GSE1: variants seen among roughly 807,000 people sequenced by gnomAD.
GSE1 encodes the protein Gse1 coiled-coil protein.
GSE1 carries 32 observed loss-of-function variants against 112.6 expected under a neutral mutation model. The observed-to-expected ratio is 0.28, with a 90% confidence interval of 0.21 to 0.38. GSE1 has a LOEUF of 0.38. GSE1 is among the 10% of genes least tolerant of loss of function. GSE1 has a pLI of 1.00. For synonymous variants in GSE1, 1,115 were observed against 735.6 expected, an observed-to-expected ratio of 1.52 and a Z score of -8.35; for missense variants, 2,348 against 1,699.2, an observed-to-expected ratio of 1.38 and a Z score of -6.71.
intron 2 of GSE1, among the ~76,000 whole-genome samples, chr16:85,367,624 G>A (rs1388220642): frequency 2.6e-5 from 4 of 152,122 alleles, no homozygotes; most frequent in Non-Finnish European, 5.9e-5. Context: ...ACCAAGCGAA[G>A]AGCATATGCA....
At chr16:85,403,298 C>T (rs1475832875) in intron 2 of GSE1, among the ~76,000 whole-genome samples, 1 of 152,164 alleles carries the variant, frequency 6.6e-6, no homozygotes, top group East Asian at 1.9e-4. Flanking sequence ...TGCCATGTTC[C>T]ATTCATTAGG....
At chr16:85,360,389 G>A (rs1029605511) in intron 2 of GSE1, among the ~76,000 whole-genome samples, 3 of 151,794 alleles carry the variant, frequency 2.0e-5, no homozygotes, top group African/African-American at 7.3e-5. Flanking sequence ...GGTGGGGCAG[G>A]GCCGGGGCAC....
intron 2 of GSE1, among the ~76,000 whole-genome samples, chr16:85,403,266 C>T (rs142693963): frequency 7.1e-4 from 108 of 152,262 alleles, no homozygotes; most frequent in African/African-American, 2.3e-3. Flanking sequence ...TAACCGACAC[C>T]GGAAGCGAGC....
At chr16:85,547,386 C>T (rs925682879) in intron 2 of GSE1, among the ~76,000 whole-genome samples, 14 of 152,188 alleles carry the variant, frequency 9.2e-5, no homozygotes, top group Non-Finnish European at 1.5e-5. Flanking sequence ...TTCCAGCACC[C>T]GGGGAATCCA....
At position 85,673,493 on chromosome 16, in the gene GSE1, AAC is replaced by A. The variant is rs2053504988; in HGVS notation, c.*955_*956del. 1 of 152,158 alleles carries A rather than the reference AAC, an allele frequency of 6.6e-6. No homozygotes were observed. The highest frequency in any genetic ancestry group is 2.4e-5 in the African/African-American group (1 of 41,318). 9.4% of individuals were successfully genotyped at this position (152,158 alleles called of 1,614,324 possible). A position where few individuals can be genotyped will look rare whatever the true frequency, so the allele number is the denominator to read the frequency against. ...TTTTTTTGGGCAAAAAAAAAAAAAA[AAC>A]CTTGCTTTTAGTGTTTGTACTGCTG... On this transcript the variant is annotated 3_prime_UTR_variant, in exon 16 of 16. Coordinates refer to ENST00000253458, the MANE Select transcript of GSE1 (RefSeq NM_014615.5).
chr16:85,626,190 A>T (rs1264363408), intron 1 of GSE1, among the ~76,000 whole-genome samples: 1 of 151,920 alleles, frequency 6.6e-6, no homozygotes, highest in Non-Finnish European at 1.5e-5. Context: ...CTGGAGCAAG[A>T]AGACCTCTCC....
At chr16:85,494,468 T>C (rs1359839828) in intron 2 of GSE1, among the ~76,000 whole-genome samples, 4 of 151,504 alleles carry the variant, frequency 2.6e-5, no homozygotes, top group Non-Finnish European at 5.9e-5. Flanking sequence ...TTTTTTTTTT[T>C]CCAAGACAGG....
At chr16:85,208,175 C>T (rs1213571906) in intron 1 of GSE1, among the ~76,000 whole-genome samples, 3 of 152,170 alleles carry the variant, frequency 2.0e-5, no homozygotes, top group African/African-American at 7.2e-5. Context: ...TTTCTTCTAG[C>T]CTCAGTTTCC....
chr16:85,669,964 A>C (rs2053195960), intron 14 of GSE1, among the ~76,000 whole-genome samples: 1 of 152,108 alleles, frequency 6.6e-6, no homozygotes, highest in Non-Finnish European at 1.5e-5. Context: ...GCTTTCCCCC[A>C]AGGACTTTTC....
intron 1 of GSE1, among the ~76,000 whole-genome samples, chr16:85,349,864 T>A (rs375385042): frequency 2.6e-5 from 4 of 152,162 alleles, no homozygotes; most frequent in African/African-American, 9.7e-5. Flanking sequence ...CAAACCTACT[T>A]GCCCCAGAGT....
At chr16:85,415,203 G>C (rs542153757) in intron 2 of GSE1, among the ~76,000 whole-genome samples, 57 of 152,348 alleles carry the variant, frequency 3.7e-4, no homozygotes, top group African/African-American at 1.3e-3. Context: ...GCCTCTCAGA[G>C]TACTTGGATT....
At chr16:85,632,706 C>T (rs2049640941) in intron 1 of GSE1, among the ~76,000 whole-genome samples, 1 of 151,760 alleles carries the variant, frequency 6.6e-6, no homozygotes, top group Non-Finnish European at 1.5e-5. Flanking sequence ...AGGAAGTGCA[C>T]AGTCCGCCCC....
At chr16:85,437,586 T>C (rs1410523374) in intron 2 of GSE1, among the ~76,000 whole-genome samples, 2 of 151,988 alleles carry the variant, frequency 1.3e-5, no homozygotes, top group African/African-American at 4.8e-5. Context: ...AGCCACATGC[T>C]CGGGGGATTG....
intron 1 of GSE1, among the ~76,000 whole-genome samples, chr16:85,356,151 G>A (rs2046947105): frequency 6.6e-6 from 1 of 152,268 alleles, no homozygotes; most frequent in African/African-American, 2.4e-5. Flanking sequence ...CAAGTTCCAT[G>A]TAGAGCTAGG....
At chr16:85,174,883 C>G (rs990290209) in intron 1 of GSE1, among the ~76,000 whole-genome samples, 3 of 152,142 alleles carry the variant, frequency 2.0e-5, no homozygotes, top group African/African-American at 7.2e-5. Flanking sequence ...CATGCCAGCC[C>G]CCAAGATCTT....
intron 1 of GSE1, among the ~76,000 whole-genome samples, chr16:85,344,936 T>A (rs1449493292): frequency 6.6e-6 from 1 of 152,248 alleles, no homozygotes; most frequent in East Asian, 1.9e-4. Context: ...TAGCCAGCTC[T>A]GCTCTGCCCT....
chr16:85,585,381 C>T lies in GSE1; in HGVS notation c.37+29018C>T, dbSNP rs146638447. On this transcript the variant is annotated intron_variant, in intron 1 of 2. Coordinates refer to the GSE1 transcript ENST00000635906. ...TTTGGCGGTTCTTCTGTATGGCAGC[C>T]GAGAGGGCATTTTCAGGGTGCCCAG... Among the ~76,000 whole-genome samples, 16 of 152,314 alleles carry T rather than the reference C, an allele frequency of 1.1e-4. No homozygotes were observed. In the East Asian group the frequency reaches 2.3e-3, roughly 22 times the overall value.
rs1306187557 is a variant in GSE1, at chr16:85,661,600, T to G, written c.2095T>G (p.Phe699Val). ...GGCCTCCCTCCCACAGGCGGCCACCTTCGGGGAGCTCAGCGGACCCCTGAA... is the reference window on the plus strand; with the variant it reads ...GGCCTCCCTCCCACAGGCGGCCACCGTCGGGGAGCTCAGCGGACCCCTGAA... ...QRASLPQAAT[F>V]GELSGPLKPG... The change falls in exon 9 of 16, where the codon TTC becomes GTC. Residue 699 changes from phenylalanine to valine, a missense_variant. Coordinates refer to ENST00000253458, the MANE Select transcript of GSE1 (RefSeq NM_014615.5). 2 of 1,610,354 alleles carry G rather than the reference T, an allele frequency of 1.2e-6. No homozygotes were observed. The highest frequency in any genetic ancestry group is 2.7e-5 in the African/African-American group (2 of 74,876).
At chr16:85,592,293 G>A (rs1247635978) in intron 1 of GSE1, 1 of 152,006 alleles carries the variant, frequency 6.6e-6, no homozygotes, top group Admixed American at 6.5e-5. Flanking sequence ...CTCCCAAGTA[G>A]CTGGGACCAC....
Sources: gnomAD v4.1 joint callset for allele counts (sites outside exome capture counted in the v4.1 genomes callset) on GRCh38, gnomAD v4.1.1 for gene constraint, MANE v1.5 for transcripts, NCBI Gene and HGNC (gene_info 2026-07-23, HGNC 2026-07-21) for gene names.